The following DNAJB7 variants were observed in gnomAD, a reference collection of about 807,000 sequenced individuals.
DNAJB7 encodes DnaJ heat shock protein family (Hsp40) member B7, also known as dnaJ homolog subfamily B member 7.
A neutral mutation model predicts 1.2 loss-of-function variants in DNAJB7; 1 was observed. The ratio of observed to expected loss-of-function variants is 0.84; its 90% CI spans 0.30 to 4.01. The LOEUF (loss-of-function observed/expected upper bound fraction) is 4.01, where lower values mean the gene tolerates loss of function less well. DNAJB7 is among the 30% of genes most tolerant of loss of function. The probability of loss-of-function intolerance (pLI) is 0.18; values close to 1 mark genes in which losing one functional copy is unlikely to be tolerated. For missense variants in DNAJB7, 420 were observed against 358.5 expected (o/e 1.17, Z -1.39); for synonymous variants, 128 against 127.7 (o/e 1.00, Z -0.01).
chr22:40,861,596 A>G lies in DNAJB7; in HGVS notation c.399T>C (p.Asp133=), dbSNP rs749106346. The G allele has an allele frequency of 1.5e-5, 24 of 1,613,060 alleles. No individual in the cohort carries two copies. The highest frequency in any genetic ancestry group is 8.9e-5 in the East Asian group (4 of 44,882). Residue 133 remains aspartate, a synonymous_variant, in exon 1 of 1, where the codon GAT becomes GAC. Coordinates refer to ENST00000307221, the MANE Select transcript of DNAJB7 (RefSeq NM_145174.2). ...TGGCAGTGGAGAAAAAGTATCCTGC[A>G]TCTCTGTTTCTGTTTCCATAGGAGC... is the stretch of plus-strand genomic sequence containing the variant. ...PGSSYGNRNR[D]AGYFFSTASE...
rs930017715 is a variant in DNAJB7 at position 40,860,904 on chromosome 22, T to A, written c.*161A>T. ...CCAACTGTCACCACAAACTCATCCT[T>A]TTCTGACATACCCATTCAAAAAAAC... is the stretch of plus-strand genomic sequence containing the variant. On this transcript the variant is annotated 3_prime_UTR_variant, in exon 1 of 1. Transcript: ENST00000307221. 5 of 715,278 alleles carry A rather than the reference T, an allele frequency of 7.0e-6. No individual in the cohort carries two copies. The African/African-American group carries it at 9.0e-5, about 13-fold the overall frequency. The allele number at this position is 715,278 out of a possible 1,614,324, so 44.3% of individuals were successfully genotyped here.
rs753595034 is a variant in DNAJB7 at position 40,859,999 on chromosome 22, AG to A, written c.*1065del. ...CCATACAGACTGCTCTGAGGAATTC[AG>A]GATAAGACTGGCCTTTAAAAAAAAT... On this transcript the variant is annotated 3_prime_UTR_variant, in exon 1 of 1. Coordinates refer to ENST00000307221, the MANE Select transcript of DNAJB7 (RefSeq NM_145174.2). 2.0e-5 allele frequency: 3 copies of A among 152,220 alleles called. No homozygotes were observed. Among genetic ancestry groups the A allele is most frequent in the African/African-American group, 2.4e-5 (1 of 41,448 alleles). 9.4% of individuals were successfully genotyped at this position (152,220 alleles called of 1,614,324 possible). A position where few individuals can be genotyped will look rare whatever the true frequency, so the allele number is the denominator to read the frequency against.
chr22:40,860,656 CTT>C lies in DNAJB7; in HGVS notation c.*407_*408del, dbSNP rs202011264. ...AAACTCATTGCAGTTTTCCAAATTC[CTT>C]TTTTTTTTTTTTAAGACAGGGTCTT... On this transcript the variant is annotated 3_prime_UTR_variant, in exon 1 of 1. Transcript: ENST00000307221. The C allele has an allele frequency of 0.017, 17,991 of 1,074,162 alleles. No homozygotes were observed. Among genetic ancestry groups the C allele is most frequent in the South Asian group, 0.036 (2,022 of 56,506 alleles). The allele number at this position is 1,074,162 out of a possible 1,614,324, so 66.5% of individuals were successfully genotyped here.
In DNAJB7 at chr22:40,861,169, T is replaced by C; in HGVS notation, c.826A>G (p.Asn276Asp). 1 of 1,614,160 alleles carries C rather than the reference T, an allele frequency of 6.2e-7. No individual in the cohort carries two copies. Among genetic ancestry groups the C allele is most frequent in the Non-Finnish European group, 8.5e-7 (1 of 1,180,016 alleles). The change falls in exon 1 of 1, where the codon AAC (asparagine) becomes GAC (aspartate). Residue 276 changes from asparagine (N) to aspartate (D), a missense_variant. By Grantham distance (23) the Asn-to-Asp change is conservative. Transcript: ENST00000307221. The part of the protein sequence containing the change: ...DEGGISWVTS[N>D]RDPPIFSAGV... ...GCTGAGAAAATAGGGGGATCTCTGT[T>C]GCTGGTAACCCAAGATATACCTCCC...
rs1302822816 is a variant in DNAJB7, at chr22:40,860,765, A to G, written c.*300T>C. The G allele has an allele frequency of 1.4e-5, 10 of 726,496 alleles. No homozygotes were observed. The highest frequency in any genetic ancestry group is 8.5e-5 in the East Asian group (3 of 35,218). 45.0% of individuals were successfully genotyped at this position (726,496 alleles called of 1,614,324 possible). On this transcript the variant is annotated 3_prime_UTR_variant, in exon 1 of 1. Transcript: ENST00000307221. ...TCTTCCAGGCTCAAGCAGTCTTTCTACCAGCTTCCCGAGTAGCTGGGACTA... is the reference window on the plus strand; with the variant it reads ...TCTTCCAGGCTCAAGCAGTCTTTCTGCCAGCTTCCCGAGTAGCTGGGACTA...
chr22:40,861,182 A>G lies in DNAJB7; in HGVS notation c.813T>C (p.Ser271=), dbSNP rs1282318074. 2 of 1,613,958 alleles carry G rather than the reference A, an allele frequency of 1.2e-6. No homozygotes were observed. Among genetic ancestry groups the G allele is most frequent in the Non-Finnish European group, 8.5e-7 (1 of 1,180,008 alleles). ...GGGGATCTCTGTTGCTGGTAACCCA[A>G]GATATACCTCCCTCATCATTGTCCA... ...TFVDNDEGGI[S]WVTSNRDPPI... The change falls in exon 1 of 1, where the codon TCT becomes TCC. Residue 271 remains serine (S), a synonymous_variant. Coordinates refer to ENST00000307221, the MANE Select transcript of DNAJB7 (RefSeq NM_145174.2).
chr22:40,861,386 T>G lies in DNAJB7; in HGVS notation c.609A>C (p.Lys203Asn), dbSNP rs1261910316. The G allele has an allele frequency of 5.6e-6, 9 of 1,613,628 alleles. No homozygotes were observed. Among genetic ancestry groups the G allele is most frequent in the Non-Finnish European group, 6.8e-6 (8 of 1,179,918 alleles). The change falls in exon 1 of 1, where the codon AAA becomes AAC. Residue 203 changes from lysine (K) to asparagine (N), a missense_variant. Coordinates refer to ENST00000307221, the MANE Select transcript of DNAJB7 (RefSeq NM_145174.2). ...CTCTTTCTTGATCACTTTCAATAATTTTCTTTGTATTAATATTTCTGCCAT... is the reference window on the plus strand; with the variant it reads ...CTCTTTCTTGATCACTTTCAATAATGTTCTTTGTATTAATATTTCTGCCAT... ...IVNGRNINTKKIIESDQEREA... is the reference protein window; with the variant it reads ...IVNGRNINTKNIIESDQEREA...
chr22:40,860,942 G>T lies in DNAJB7; in HGVS notation c.*123C>A. 1.0e-6 allele frequency: 1 copy of T among 962,042 alleles called. No individual in the cohort carries two copies. The highest frequency in any genetic ancestry group is 1.5e-6 in the Non-Finnish European group (1 of 665,452). The allele number at this position is 962,042 out of a possible 1,614,324, so 59.6% of individuals were successfully genotyped here. A position where few individuals can be genotyped will look rare whatever the true frequency, so the allele number is the denominator to read the frequency against. ...CATTCAAAAAAACTACTAACCAAAT[G>T]TCCACAATCCTGCTAAAAGTGTTGA... On this transcript the variant is annotated 3_prime_UTR_variant, in exon 1 of 1. Transcript: ENST00000307221.
In DNAJB7 at chr22:40,861,877, CTTT is replaced by C. The variant is rs2057951111; in HGVS notation, c.115_117del (p.Lys39del). On this transcript the variant is annotated inframe_deletion, in exon 1 of 1. Coordinates refer to ENST00000307221, the MANE Select transcript of DNAJB7 (RefSeq NM_145174.2). ...TCTTTGAATTTTCTCTCTGCTTCTTCTTTATTTTCTGGATTTTTATCAGGGTGC... is the reference window on the plus strand; with the variant it reads ...TCTTTGAATTTTCTCTCTGCTTCTTCATTTTCTGGATTTTTATCAGGGTGC... 2 of 1,613,860 alleles carry C rather than the reference CTTT, an allele frequency of 1.2e-6. No individual in the cohort carries two copies. Among genetic ancestry groups the C allele is most frequent in the East Asian group, 2.2e-5 (1 of 44,826 alleles).
rs1569012013 is a variant in DNAJB7, at chr22:40,861,467, A to AAAAGCC, written c.522_527dup (p.Leu174_Ala175dup). 3 of 1,614,176 alleles carry AAAAGCC rather than the reference A, an allele frequency of 1.9e-6. No individual in the cohort carries two copies. The African/African-American group carries it at 4.0e-5, about 22-fold the overall frequency. On this transcript the variant is annotated inframe_insertion, in exon 1 of 1. Coordinates refer to ENST00000307221, the MANE Select transcript of DNAJB7 (RefSeq NM_145174.2). ...TGTAGTTGTCCATCCCACTATTATC[A>AAAAGCC]AAAGCCAGGGAAGAGAAAGAAGTAA...
chr22:40,860,649 C>A lies in DNAJB7; in HGVS notation c.*416G>T, dbSNP rs936908865. 3.8e-6 allele frequency: 5 copies of A among 1,301,340 alleles called. No homozygotes were observed. The highest frequency in any genetic ancestry group is 2.9e-5 in the South Asian group (2 of 67,970). The allele number at this position is 1,301,340 out of a possible 1,614,324, so 80.6% of individuals were successfully genotyped here. On this transcript the variant is annotated 3_prime_UTR_variant, in exon 1 of 1. Coordinates refer to ENST00000307221, the MANE Select transcript of DNAJB7 (RefSeq NM_145174.2). ...AAGTAAAAAACTCATTGCAGTTTTC[C>A]AAATTCCTTTTTTTTTTTTTTAAGA...
Position 40,861,553 on chromosome 22 carries a change from C to G in DNAJB7, c.442G>C (p.Glu148Gln), listed in dbSNP as rs532420156. ...CCTGTATCATATGAAGAAAATTTCT[C>G]AAAAATTGGATATTCACTGGCAGTG... The part of the protein sequence containing the change: ...FSTASEYPIF[E>Q]KFSSYDTGYT... The change falls in exon 1 of 1, where the codon GAG becomes CAG. Residue 148 changes from glutamate to glutamine, a missense_variant. By Grantham distance (29) the Glu-to-Gln change is conservative (BLOSUM62 2). Coordinates refer to ENST00000307221, the MANE Select transcript of DNAJB7 (RefSeq NM_145174.2). The G allele has an allele frequency of 4.3e-6, 7 of 1,613,152 alleles. No individual in the cohort carries two copies. In the African/African-American group the frequency reaches 8.0e-5, roughly 18 times the overall value.
chr22:40,861,128 A>G lies in DNAJB7; in HGVS notation c.867T>C (p.Gly289=), dbSNP rs1483092900. Residue 289 remains glycine (G), a synonymous_variant, in exon 1 of 1, where the codon GGT becomes GGC. Coordinates refer to ENST00000307221, the MANE Select transcript of DNAJB7 (RefSeq NM_145174.2). ...TACGCTTCTTTTTTTTCCTCTTACC[A>G]CCCTCTTTGACTCCTGCTGAGAAAA... ...PPIFSAGVKE[G]GKRKKKKRKE... 3.1e-6 allele frequency: 5 copies of G among 1,612,360 alleles called. No individual in the cohort carries two copies. The highest frequency in any genetic ancestry group is 4.2e-6 in the Non-Finnish European group (5 of 1,179,600).
Position 40,859,638 on chromosome 22 carries a change from C to T in DNAJB7, c.*1427G>A, listed in dbSNP as rs542901075. 6.6e-6 allele frequency: 1 copy of T among 152,228 alleles called. No individual in the cohort carries two copies. Among genetic ancestry groups the T allele is most frequent in the East Asian group, 1.9e-4 (1 of 5,194 alleles). 9.4% of individuals were successfully genotyped at this position (152,228 alleles called of 1,614,324 possible). The stretch of plus-strand genomic sequence containing the variant: ...GCAGTCTCTTCTATAGAATAAATAA[C>T]CTTTCCTTCTCCCATCTGCCCACTA... On this transcript the variant is annotated 3_prime_UTR_variant, in exon 1 of 1. Transcript: ENST00000307221.
At position 40,860,642 on chromosome 22, in the gene DNAJB7, A is replaced by G. The variant is rs1331303375; in HGVS notation, c.*423T>C. The G allele has an allele frequency of 8.4e-6, 11 of 1,308,720 alleles. No homozygotes were observed. Among genetic ancestry groups the G allele is most frequent in the Non-Finnish European group, 1.1e-5 (11 of 973,298 alleles). The allele number at this position is 1,308,720 out of a possible 1,614,324, so 81.1% of individuals were successfully genotyped here. On this transcript the variant is annotated 3_prime_UTR_variant, in exon 1 of 1. Coordinates refer to ENST00000307221, the MANE Select transcript of DNAJB7 (RefSeq NM_145174.2). The stretch of plus-strand genomic sequence containing the variant: ...AATTCAAAAGTAAAAAACTCATTGC[A>G]GTTTTCCAAATTCCTTTTTTTTTTT...
rs2057940293 is a variant in DNAJB7, at chr22:40,860,936, C to T, written c.*129G>A. On this transcript the variant is annotated 3_prime_UTR_variant, in exon 1 of 1. Coordinates refer to ENST00000307221, the MANE Select transcript of DNAJB7 (RefSeq NM_145174.2). ...CATACCCATTCAAAAAAACTACTAA[C>T]CAAATGTCCACAATCCTGCTAAAAG... The T allele has an allele frequency of 2.2e-6, 2 of 925,812 alleles. No individual in the cohort carries two copies. Among genetic ancestry groups the T allele is most frequent in the East Asian group, 2.6e-5 (1 of 37,818 alleles). 57.3% of individuals were successfully genotyped at this position (925,812 alleles called of 1,614,324 possible). A position where few individuals can be genotyped will look rare whatever the true frequency, so the allele number is the denominator to read the frequency against.
rs769417541 is a variant in DNAJB7, at chr22:40,861,481, A to G, written c.514T>C (p.Ser172Pro). The G allele has an allele frequency of 1.2e-6, 2 of 1,614,204 alleles. No individual in the cohort carries two copies. Among genetic ancestry groups the G allele is most frequent in the Admixed American group, 3.3e-5 (2 of 60,028 alleles). The change falls in exon 1 of 1, where the codon TCT becomes CCT. Residue 172 changes from serine to proline, a missense_variant. Transcript: ENST00000307221. ...SLGHEGLTSF[S>P]SLAFDNSGMD... The stretch of plus-strand genomic sequence containing the variant: ...CCACTATTATCAAAAGCCAGGGAAG[A>G]GAAAGAAGTAAGGCCTTCATGCCCC...
In DNAJB7 at chr22:40,860,335, C is replaced by A. The variant is rs2057935266; in HGVS notation, c.*730G>T. On this transcript the variant is annotated 3_prime_UTR_variant, in exon 1 of 1. Coordinates refer to ENST00000307221, the MANE Select transcript of DNAJB7 (RefSeq NM_145174.2). ...GACTTCAACCCTCCTGCCTGGGCCT[C>A]CCAAGATGCTAGGATTACAGGTGTG... 3.8e-5 allele frequency: 6 copies of A among 159,446 alleles called. No individual in the cohort carries two copies. In the Admixed American group the frequency reaches 3.9e-4, roughly 10 times the overall value. 9.9% of individuals were successfully genotyped at this position (159,446 alleles called of 1,614,324 possible).
At position 40,860,847 on chromosome 22, in the gene DNAJB7, C is replaced by T; in HGVS notation, c.*218G>A. On this transcript the variant is annotated 3_prime_UTR_variant, in exon 1 of 1. Transcript: ENST00000307221. ...TAAATTTTTTGTAGAGAAAAGATCTCACTATACTGCCCAGGCAAATTCTTA... is the reference window on the plus strand; with the variant it reads ...TAAATTTTTTGTAGAGAAAAGATCTTACTATACTGCCCAGGCAAATTCTTA... 1 of 650,360 alleles carries T rather than the reference C, an allele frequency of 1.5e-6. No individual in the cohort carries two copies. The highest frequency in any genetic ancestry group is 2.5e-6 in the Non-Finnish European group (1 of 394,154). 40.3% of individuals were successfully genotyped at this position (650,360 alleles called of 1,614,324 possible).
Sources: gnomAD v4.1 joint callset for allele counts on GRCh38, gnomAD v4.1.1 for gene constraint, MANE v1.5 for transcripts, NCBI Gene and HGNC (gene_info 2026-07-23, HGNC 2026-07-21) for gene names.